NNT: variants seen among roughly 807,000 people sequenced by gnomAD.
NNT encodes NAD(P) transhydrogenase, mitochondrial.
In NNT, 50 loss-of-function variants were observed where a neutral mutation model predicts 104.8. That is an observed-to-expected ratio of 0.48 (90% CI 0.38 to 0.60). NNT has a LOEUF of 0.60. NNT is among the 20% of genes least tolerant of loss of function. The pLI is 0.00. For synonymous variants in NNT, 461 were observed against 490.4 expected (o/e 0.94, Z 0.79); for missense variants, 1,131 against 1,330.7 (o/e 0.85, Z 2.33).
At chr5:43,678,840 G>A (rs546118794) in intron 19 of NNT, among the ~76,000 whole-genome samples, 98 of 152,150 alleles carry the variant, frequency 6.4e-4, no homozygotes, top group Middle Eastern at 3.4e-3. Context: ...TATTAGTGTC[G>A]GCAGTTAATT....
chr5:43,660,546 C>T (rs1380603447), intron 17 of NNT, among the ~76,000 whole-genome samples: 1 of 152,082 alleles, frequency 6.6e-6, no homozygotes, highest in Non-Finnish European at 1.5e-5. Flanking sequence ...CTGTATTAGT[C>T]CATTCTCACA....
At chr5:43,676,923 G>A (rs563787150) in intron 18 of NNT, among the ~76,000 whole-genome samples, 11 of 152,162 alleles carry the variant, frequency 7.2e-5, no homozygotes, top group African/African-American at 2.6e-4. Context: ...GCAGAGACTT[G>A]GCATTTGAAA....
intron 17 of NNT, among the ~76,000 whole-genome samples, chr5:43,671,105 C>G (rs942502216): frequency 2.6e-5 from 4 of 152,078 alleles, no homozygotes; most frequent in African/African-American, 9.7e-5. Flanking sequence ...AGGATTGTAA[C>G]CCCTGCTTTT....
At chr5:43,659,135 T>C in intron 16 of NNT, 36 bp from the exon 17 acceptor site, 1 of 1,518,402 alleles carries the variant, frequency 6.6e-7, no homozygotes, top group Non-Finnish European at 8.8e-7. Context: ...ATTTTTATGT[T>C]ATTAATTTTG....
intron 5 of NNT, 119 bp from the exon 6 acceptor site, chr5:43,623,913 C>T (rs2111650759): frequency 1.1e-6 from 1 of 886,592 alleles, no homozygotes; most frequent in South Asian, 1.4e-5. Context: ...ATCATTATCA[C>T]CATCTGCACC....
chr5:43,695,533 G>A (rs1041091793), intron 19 of NNT, among the ~76,000 whole-genome samples: 1 of 152,294 alleles, frequency 6.6e-6, no homozygotes, highest in African/African-American at 2.4e-5. Context: ...AGGGACTGAG[G>A]CTTAAGCTGG....
chr5:43,677,399 TGA>T lies in NNT; in HGVS notation c.2795-299_2795-298del, dbSNP rs111577191. On this transcript the variant is annotated intron_variant, in intron 18 of 21. Coordinates refer to ENST00000344920, the MANE Select transcript of NNT (RefSeq NM_182977.3). ...CAAGTATGAAGAGAGTTTAAAAACATGAGAGAGAGAGAGAGAGAGAGAGAGAG... is the reference window on the plus strand; with the variant it reads ...CAAGTATGAAGAGAGTTTAAAAACATGAGAGAGAGAGAGAGAGAGAGAGAG... Among the ~76,000 whole-genome samples the T allele has an allele frequency of 6.7e-3, 927 of 137,934 alleles. 1 individual carries two copies. The highest frequency in any genetic ancestry group is 0.016 in the African/African-American group (600 of 38,154). The allele number at this position is 137,934 out of a possible 152,430, so 90.5% of individuals were successfully genotyped here. A position where few individuals can be genotyped will look rare whatever the true frequency, so the allele number is the denominator to read the frequency against.
At chr5:43,672,365 T>G (rs1741156578) in intron 17 of NNT, among the ~76,000 whole-genome samples, 1 of 152,222 alleles carries the variant, frequency 6.6e-6, no homozygotes, top group South Asian at 2.1e-4. Context: ...GGCGCTCTGA[T>G]TTTTAGAATT....
intron 5 of NNT, among the ~76,000 whole-genome samples, chr5:43,621,162 G>T (rs116073498): frequency 2.0e-5 from 3 of 152,220 alleles, no homozygotes; most frequent in Non-Finnish European, 4.4e-5. Context: ...TGTTCAAGCC[G>T]CAGCCTGTGG....
chr5:43,674,397 C>T (rs997084233), intron 17 of NNT, among the ~76,000 whole-genome samples: 1 of 151,986 alleles, frequency 6.6e-6, no homozygotes, highest in African/African-American at 2.4e-5. Flanking sequence ...ATAGTTGTCT[C>T]GATGTGGTAC....
At chr5:43,683,646 T>C (rs1252737727) in intron 19 of NNT, among the ~76,000 whole-genome samples, 1 of 152,234 alleles carries the variant, frequency 6.6e-6, no homozygotes, top group Non-Finnish European at 1.5e-5. Flanking sequence ...TGCTTATAAA[T>C]AATTTTCATT....
chr5:43,640,666 T>C (rs984795997), intron 7 of NNT, among the ~76,000 whole-genome samples: 4 of 151,912 alleles, frequency 2.6e-5, no homozygotes, highest in African/African-American at 9.7e-5. Context: ...ACTTTTTTTT[T>C]ATTTGTTTTT....
rs532474008 is a variant in NNT at position 43,633,409 on chromosome 5, T to C, written c.964+5022T>C. ...AATGGGCCAAGATACTTTTTTGCCT[T>C]TGCACATATTGCTCCTTCTCTTTGG... is the stretch of plus-strand genomic sequence containing the variant. On this transcript the variant is annotated intron_variant, in intron 7 of 21. Coordinates refer to ENST00000344920, the MANE Select transcript of NNT (RefSeq NM_182977.3). Among the ~76,000 whole-genome samples the C allele has an allele frequency of 4.6e-5, 7 of 152,356 alleles. No individual in the cohort carries two copies. In the East Asian group the frequency reaches 1.3e-3, roughly 29 times the overall value.
chr5:43,665,482 T>C (rs566510541), intron 17 of NNT, among the ~76,000 whole-genome samples: 3 of 152,214 alleles, frequency 2.0e-5, no homozygotes, highest in Non-Finnish European at 4.4e-5. Flanking sequence ...AAAGCACATC[T>C]TGCACCGCCC....
Position 43,607,078 on chromosome 5 carries a change from A to G in NNT, c.-53-2065A>G, listed in dbSNP as rs548831500. On this transcript the variant is annotated intron_variant, in intron 1 of 21. Coordinates refer to ENST00000344920, the MANE Select transcript of NNT (RefSeq NM_182977.3). Reference sequence around the variant, plus strand: ...GAGTGTAGTGGCATGATCTCGGCTCACTGCAACCTTTGCCTCCCAAGTTCA... The same window carrying G: ...GAGTGTAGTGGCATGATCTCGGCTCGCTGCAACCTTTGCCTCCCAAGTTCA... Among the ~76,000 whole-genome samples, 29 of 151,706 alleles carry G rather than the reference A, an allele frequency of 1.9e-4. No homozygotes were observed. The South Asian group carries it at 5.8e-3, about 31-fold the overall frequency.
chr5:43,670,136 A>C (rs919621073), intron 17 of NNT, among the ~76,000 whole-genome samples: 2 of 152,054 alleles, frequency 1.3e-5, no homozygotes, highest in Non-Finnish European at 2.9e-5. Flanking sequence ...TATTCTCCTT[A>C]TCATTTTTTA....
At chr5:43,697,278 T>C (rs1376171614) in intron 19 of NNT, among the ~76,000 whole-genome samples, 2 of 152,178 alleles carry the variant, frequency 1.3e-5, no homozygotes, top group African/African-American at 4.8e-5. Flanking sequence ...ATGCCGTCAT[T>C]CTCTTTGCTA....
In NNT at chr5:43,613,011, G is replaced by A; in HGVS notation, c.255G>A (p.Gln85=). The part of the protein sequence containing the change: ...SPAGVQNLVK[Q]GFNVVVESGA... The stretch of plus-strand genomic sequence containing the variant: ...CTGGTGTTCAGAACTTGGTCAAGCA[G>A]GGTTTTAATGTTGTCGTGGAATCGG... The change falls in exon 3 of 22, where the codon CAG becomes CAA. Residue 85 remains glutamine, a synonymous_variant. Transcript: ENST00000344920. 6.2e-7 allele frequency: 1 copy of A among 1,614,166 alleles called. No homozygotes were observed. Among genetic ancestry groups the A allele is most frequent in the Non-Finnish European group, 8.5e-7 (1 of 1,180,026 alleles).
chr5:43,679,786 A>G (rs1741604510), intron 19 of NNT, among the ~76,000 whole-genome samples: 2 of 152,258 alleles, frequency 1.3e-5, no homozygotes, highest in East Asian at 1.9e-4. Flanking sequence ...TACATTTTTT[A>G]TTGAAGTAAT....
Sources: gnomAD v4.1 joint callset for allele counts (sites outside exome capture counted in the v4.1 genomes callset) on GRCh38, gnomAD v4.1.1 for gene constraint, MANE v1.5 for transcripts, NCBI Gene and HGNC (gene_info 2026-07-23, HGNC 2026-07-21) for gene names.